The following SGK1 variants were observed in gnomAD, a reference collection of about 807,000 sequenced individuals.
SGK1 encodes the protein serum/glucocorticoid regulated kinase 1.
SGK1 carries 26 observed loss-of-function variants against 64.2 expected under a neutral mutation model. The ratio of observed to expected loss-of-function variants is 0.40; its 90% CI spans 0.30 to 0.56. The LOEUF (loss-of-function observed/expected upper bound fraction) is 0.56, where lower values mean the gene tolerates loss of function less well. SGK1 is among the 20% of genes least tolerant of loss of function. SGK1 has a pLI of 0.38. For missense variants in SGK1, 519 were observed against 645.6 expected (o/e 0.80, Z 2.12); for synonymous variants, 265 against 239.7 (o/e 1.11, Z -0.98).
chr6:134,171,185 G>A lies in SGK1; in HGVS notation c.1168-7C>T. On this transcript the variant is annotated splice_region_variant and splice_polypyrimidine_tract_variant and intron_variant, in intron 11 of 13. Transcript: ENST00000367858. Reference sequence around the variant, plus strand: ...TTCGGCTATAAAAAGGCGGCTGAAAGAAGGGGAAAATTACTTTAGACTTAA... The same window carrying A: ...TTCGGCTATAAAAAGGCGGCTGAAAAAAGGGGAAAATTACTTTAGACTTAA... 1 of 1,613,876 alleles carries A rather than the reference G, an allele frequency of 6.2e-7. No individual in the cohort carries two copies. The highest frequency in any genetic ancestry group is 1.1e-5 in the South Asian group (1 of 91,032).
chr6:134,313,055 G>A (rs979911404), intron 1 of SGK1, among the ~76,000 whole-genome samples: 11 of 152,196 alleles, frequency 7.2e-5, no homozygotes, highest in African/African-American at 2.4e-4. Flanking sequence ...TTACAGGCGT[G>A]AGCCAACGCG....
At chr6:134,273,810 T>C (rs1329621723) in intron 1 of SGK1, among the ~76,000 whole-genome samples, 1 of 151,528 alleles carries the variant, frequency 6.6e-6, no homozygotes, top group Non-Finnish European at 1.5e-5. Context: ...CCCTGAAGTA[T>C]TTATTTTTAT....
intron 1 of SGK1, chr6:134,297,319 G>A (rs1339651516): frequency 1.4e-5 from 17 of 1,220,340 alleles, no homozygotes; most frequent in South Asian, 3.6e-5. Flanking sequence ...CGCAGCTATC[G>A]CGCCATGTCC....
intron 3 of SGK1, among the ~76,000 whole-genome samples, chr6:134,195,575 A>G (rs940015642): frequency 1.1e-4 from 17 of 152,210 alleles, no homozygotes; most frequent in African/African-American, 4.1e-4. Flanking sequence ...TTTAGAAATA[A>G]CATTTCCCTA....
Position 134,317,711 on chromosome 6 carries a change from C to T in SGK1, c.-251G>A. 2.2e-6 allele frequency: 1 copy of T among 463,334 alleles called. No homozygotes were observed. Among genetic ancestry groups the T allele is most frequent in the Admixed American group, 3.7e-5 (1 of 26,798 alleles). The allele number at this position is 463,334 out of a possible 1,614,324, so 28.7% of individuals were successfully genotyped here. A position where few individuals can be genotyped will look rare whatever the true frequency, so the allele number is the denominator to read the frequency against. ...TTGCTCCGAAACATATGCATCACCG[C>T]TGCAGGACCCTGGGGGCCGGACGGT... is the stretch of plus-strand genomic sequence containing the variant. On this transcript the variant is annotated 5_prime_UTR_variant, in exon 1 of 14. Transcript: ENST00000367858.
At chr6:134,223,228 C>T (rs753061913) in intron 2 of SGK1, among the ~76,000 whole-genome samples, 9 of 151,504 alleles carry the variant, frequency 5.9e-5, no homozygotes, top group East Asian at 2.0e-4. Flanking sequence ...ATTAGCCGGG[C>T]GTGGTGGTGC....
chr6:134,174,174 C>T, intron 4 of SGK1, 94 bp from the exon 5 acceptor site: 1 of 848,738 alleles, frequency 1.2e-6, no homozygotes, highest in Middle Eastern at 2.9e-4. Flanking sequence ...CGACTTCTAC[C>T]CGGATAATTC....
chr6:134,261,233 G>A (rs17833313), intron 2 of SGK1: 2,155 of 152,378 alleles, frequency 0.014, 26 homozygotes, highest in Non-Finnish European at 0.023. Flanking sequence ...GGATCAAATC[G>A]TGTTGAACTA....
intron 1 of SGK1, among the ~76,000 whole-genome samples, chr6:134,275,411 G>A (rs1409063970): frequency 6.6e-6 from 1 of 152,132 alleles, no homozygotes; most frequent in African/African-American, 2.4e-5. Flanking sequence ...CTGTCTTGTT[G>A]CTACCTAGCT....
intron 3 of SGK1, among the ~76,000 whole-genome samples, chr6:134,180,887 A>G (rs62908864): frequency 2.8e-5 from 4 of 145,454 alleles, no homozygotes; most frequent in African/African-American, 7.7e-5. Flanking sequence ...AAAAAAAAAA[A>G]GGACTCTGGC....
intron 1 of SGK1, among the ~76,000 whole-genome samples, chr6:134,265,961 C>CTTTA (rs1010772897): frequency 8.7e-5 from 13 of 149,466 alleles, no homozygotes; most frequent in African/African-American, 3.0e-4. Context: ...CTTTTAATTG[C>CTTTA]TTTATTTATT....
At chr6:134,212,110 G>A (rs1294424470) in intron 2 of SGK1, among the ~76,000 whole-genome samples, 5 of 151,632 alleles carry the variant, frequency 3.3e-5, no homozygotes, top group Non-Finnish European at 5.9e-5. Context: ...CTGGAGTGCA[G>A]TGGTGCGATC....
intron 1 of SGK1, among the ~76,000 whole-genome samples, chr6:134,287,582 G>A (rs1468727820): frequency 6.7e-6 from 1 of 149,860 alleles, no homozygotes; most frequent in Admixed American, 6.7e-5. Context: ...ACTGTGATTT[G>A]GTTTTTTATA....
intron 1 of SGK1, 36 bp downstream of exon 1, chr6:134,317,356 C>A (rs1396642015): frequency 7.4e-7 from 1 of 1,357,762 alleles, no homozygotes; most frequent in Admixed American, 1.7e-5. Context: ...AAGAGAAGCA[C>A]AGAAAACAAA....
At chr6:134,216,368 TTATCTC>T in intron 2 of SGK1, among the ~76,000 whole-genome samples, 1 of 152,206 alleles carries the variant, frequency 6.6e-6, no homozygotes, top group East Asian at 1.9e-4. Context: ...CAAAAATACT[TTATCTC>T]TAGGGAAGTG....
At position 134,268,729 on chromosome 6, in the gene SGK1, A is replaced by AT. The variant is rs1776896561; in HGVS notation, c.70-6582_70-6581insA. Among the ~76,000 whole-genome samples, 2 of 145,132 alleles carry AT rather than the reference A, an allele frequency of 1.4e-5. 1 individual carries two copies. Among genetic ancestry groups the AT allele is most frequent in the East Asian group, 5.1e-4 (2 of 3,954 alleles). On this transcript the variant is annotated intron_variant, in intron 1 of 13. Transcript: ENST00000367858. ...CAGAGCGAGACTCTGTCTCAAAAAA[A>AT]AAAAAAAAAAAAATTCCCTCACTTG...
In SGK1 at chr6:134,172,777, G is replaced by A. The variant is rs965934602; in HGVS notation, c.835-3C>T. On this transcript the variant is annotated splice_polypyrimidine_tract_variant and splice_region_variant and intron_variant, in intron 8 of 13. Coordinates refer to ENST00000367858, the MANE Select transcript of SGK1 (RefSeq NM_001143676.3). ...TCCCTCTGGAGATGGTAGAACAACT[G>A]CAGGAGACAGAACAAAGTCATTCTG... The A allele has an allele frequency of 6.3e-7, 1 of 1,594,176 alleles. No homozygotes were observed. Among genetic ancestry groups the A allele is most frequent in the Middle Eastern group, 1.7e-4 (1 of 6,024 alleles).
chr6:134,220,807 C>T (rs76017877), intron 2 of SGK1, among the ~76,000 whole-genome samples: 12,440 of 151,660 alleles, frequency 0.082, 814 homozygotes, highest in East Asian at 0.24. Flanking sequence ...CATGGCAAAA[C>T]GCCATCTCTA....
At chr6:134,231,208 C>A (rs1776273196) in intron 2 of SGK1, among the ~76,000 whole-genome samples, 1 of 152,030 alleles carries the variant, frequency 6.6e-6, no homozygotes, top group Non-Finnish European at 1.5e-5. Flanking sequence ...AAACCAAAAT[C>A]CCAAAAGATA....
Sources: allele counts gnomAD v4.1 joint callset (sites outside exome capture counted in the v4.1 genomes callset), GRCh38; gene constraint gnomAD v4.1.1; transcripts MANE v1.5; gene names NCBI Gene and HGNC (gene_info 2026-07-23, HGNC 2026-07-21).